The following NSMCE2 variants were observed in gnomAD, a reference collection of about 807,000 sequenced individuals.
The protein encoded by NSMCE2 is E3 SUMO-protein ligase NSE2.
NSMCE2 carries 24 observed loss-of-function variants against 23.8 expected under a neutral mutation model. The ratio of observed to expected loss-of-function variants is 1.01; its 90% confidence interval spans 0.73 to 1.42. The LOEUF is 1.42. Among genes scored for constraint, NSMCE2 ranks in the 40% most tolerant of loss-of-function variants. The pLI is 0.00. For synonymous variants in NSMCE2, 92 were observed against 94.1 expected, an observed-to-expected ratio of 0.98 and a Z score of 0.13; for missense variants, 284 against 296.5, an observed-to-expected ratio of 0.96 and a Z score of 0.31.
chr8:125,206,624 A>G (rs1419842525), intron 5 of NSMCE2, among the ~76,000 whole-genome samples: 4 of 152,238 alleles, frequency 2.6e-5, no homozygotes, highest in African/African-American at 9.6e-5. Flanking sequence ...TGAAGTTTCT[A>G]GTTTGGGTAA....
At chr8:125,231,414 T>C (rs1183433932) in intron 5 of NSMCE2, among the ~76,000 whole-genome samples, 1 of 152,224 alleles carries the variant, frequency 6.6e-6, no homozygotes, top group Non-Finnish European at 1.5e-5. Context: ...TTAAAGCATC[T>C]GAAGACCTTT....
chr8:125,213,353 T>A (rs1171913034), intron 5 of NSMCE2, among the ~76,000 whole-genome samples: 1 of 152,204 alleles, frequency 6.6e-6, no homozygotes, highest in African/African-American at 2.4e-5. Flanking sequence ...TTTAGCTGTT[T>A]TAAAATGTGA....
intron 3 of NSMCE2, among the ~76,000 whole-genome samples, chr8:125,140,225 C>G (rs532455477): frequency 1.1e-4 from 17 of 152,298 alleles, no homozygotes; most frequent in African/African-American, 3.8e-4. Flanking sequence ...TCAGTAGATA[C>G]TAGCTTAAGT....
intron 5 of NSMCE2, among the ~76,000 whole-genome samples, chr8:125,242,763 G>A (rs1406422543): frequency 6.6e-6 from 1 of 152,126 alleles, no homozygotes; most frequent in Non-Finnish European, 1.5e-5. Flanking sequence ...AGAGAACAGA[G>A]TCCCCCACTC....
chr8:125,206,800 A>C (rs2130874726), intron 5 of NSMCE2, among the ~76,000 whole-genome samples: 1 of 152,296 alleles, frequency 6.6e-6, no homozygotes, highest in Non-Finnish European at 1.5e-5. Flanking sequence ...ATTTCGTGTA[A>C]GACCATGGCT....
At chr8:125,258,034 G>C (rs1384955489) in intron 5 of NSMCE2, among the ~76,000 whole-genome samples, 1 of 152,196 alleles carries the variant, frequency 6.6e-6, no homozygotes, top group African/African-American at 2.4e-5. Context: ...AGATTGAAGA[G>C]AGAAGAAAAA....
chr8:125,275,614 C>T (rs891896309), intron 5 of NSMCE2, among the ~76,000 whole-genome samples: 1 of 152,172 alleles, frequency 6.6e-6, no homozygotes, highest in Non-Finnish European at 1.5e-5. Flanking sequence ...AATTTTGATT[C>T]CTTTTCTCTA....
intron 3 of NSMCE2, chr8:125,130,131 G>A (rs750391546): frequency 5.3e-6 from 2 of 380,132 alleles, no homozygotes; most frequent in Middle Eastern, 3.7e-4. Flanking sequence ...ACAGTTTTGA[G>A]GAATCCTGCT....
At chr8:125,282,492 G>A (rs923775047) in intron 5 of NSMCE2, among the ~76,000 whole-genome samples, 2 of 152,170 alleles carry the variant, frequency 1.3e-5, no homozygotes, top group Non-Finnish European at 2.9e-5. Context: ...CTATTTGCAG[G>A]CTACATATGG....
chr8:125,217,199 CCTGT>C (rs1824627309), intron 5 of NSMCE2, among the ~76,000 whole-genome samples: 1 of 152,222 alleles, frequency 6.6e-6, no homozygotes, highest in South Asian at 2.1e-4. Context: ...TTTGAAAGAT[CCTGT>C]CTATTACATA....
intron 5 of NSMCE2, among the ~76,000 whole-genome samples, chr8:125,263,581 C>G (rs553132210): frequency 2.1e-4 from 32 of 152,126 alleles, no homozygotes; most frequent in African/African-American, 7.2e-4. Flanking sequence ...GAAACCCTGT[C>G]TCTACTAAAA....
intron 7 of NSMCE2, among the ~76,000 whole-genome samples, chr8:125,366,174 C>T (rs1041382167): frequency 1.3e-5 from 2 of 152,166 alleles, no homozygotes; most frequent in African/African-American, 4.8e-5. Flanking sequence ...GCCCTCATAG[C>T]CCATAAGGTG....
At chr8:125,143,056 A>T (rs1445083448) in intron 3 of NSMCE2, among the ~76,000 whole-genome samples, 1 of 152,136 alleles carries the variant, frequency 6.6e-6, no homozygotes, top group East Asian at 1.9e-4. Flanking sequence ...ATATGTGATT[A>T]CTTAACATTA....
At chr8:125,143,622 T>C (rs1390990849) in intron 3 of NSMCE2, among the ~76,000 whole-genome samples, 3 of 152,202 alleles carry the variant, frequency 2.0e-5, no homozygotes, top group Non-Finnish European at 4.4e-5. Context: ...CTATATATAA[T>C]TGGTGGTGTT....
At chr8:125,114,507 T>C (rs1818903882) in intron 3 of NSMCE2, among the ~76,000 whole-genome samples, 1 of 152,260 alleles carries the variant, frequency 6.6e-6, no homozygotes, top group East Asian at 1.9e-4. Flanking sequence ...TCCATATCCA[T>C]GTATACATAC....
At chr8:125,335,887 C>G (rs1830051281) in intron 5 of NSMCE2, among the ~76,000 whole-genome samples, 1 of 152,056 alleles carries the variant, frequency 6.6e-6, no homozygotes, top group African/African-American at 2.4e-5. Flanking sequence ...TCTAAAGAGA[C>G]GATATAGTGT....
At chr8:125,099,925 T>C (rs1818104486) in intron 1 of NSMCE2, among the ~76,000 whole-genome samples, 1 of 151,814 alleles carries the variant, frequency 6.6e-6, no homozygotes, top group South Asian at 2.1e-4. Flanking sequence ...AATGATTCAG[T>C]AGAGAGGGAA....
intron 5 of NSMCE2, among the ~76,000 whole-genome samples, chr8:125,253,308 C>T (rs921123642): frequency 5.9e-5 from 9 of 152,168 alleles, no homozygotes; most frequent in Admixed American, 5.2e-4. Context: ...TTGTGCTCAG[C>T]TCAAAGCCTT....
intron 5 of NSMCE2, among the ~76,000 whole-genome samples, chr8:125,246,336 A>C (rs1825960211): frequency 6.6e-6 from 1 of 151,728 alleles, no homozygotes. Flanking sequence ...GGCATGCGTC[A>C]CCATGCCCGA....
Sources: allele counts gnomAD v4.1 joint callset (sites outside exome capture counted in the v4.1 genomes callset), GRCh38; gene constraint gnomAD v4.1.1; transcripts MANE v1.5; gene names NCBI Gene and HGNC (gene_info 2026-07-23, HGNC 2026-07-21).